KLHL26: variants seen among roughly 807,000 people sequenced by gnomAD.
KLHL26 encodes kelch-like protein 26.
KLHL26 carries 4 observed loss-of-function variants against 7.1 expected under a neutral mutation model. The observed-to-expected ratio is 0.56, with a 90% CI of 0.28 to 1.28. KLHL26 has a LOEUF of 1.28. Among genes scored for constraint, KLHL26 ranks in the 50% most tolerant of loss-of-function variants. The probability of loss-of-function intolerance (pLI) is 0.11; values close to 1 mark genes in which losing one functional copy is unlikely to be tolerated. For missense variants in KLHL26, 896 were observed against 924.6 expected (o/e 0.97, Z 0.40); for synonymous variants, 465 against 414.1 (o/e 1.12, Z -1.49).
intron 1 of KLHL26, among the ~76,000 whole-genome samples, chr19:18,643,529 A>G (rs1321252528): frequency 6.6e-6 from 1 of 151,634 alleles, no homozygotes; most frequent in Non-Finnish European, 1.5e-5. Flanking sequence ...TCCAGGCTAT[A>G]GTGCAATGGC....
intron 1 of KLHL26, among the ~76,000 whole-genome samples, chr19:18,652,260 T>C (rs775275297): frequency 7.5e-4 from 114 of 151,986 alleles, no homozygotes; most frequent in Admixed American, 1.4e-3. Flanking sequence ...CAGGAGGTCT[T>C]GTGGGGAGGA....
Position 18,649,996 on chromosome 19 carries a change from T to C in KLHL26, c.83+12859T>C, listed in dbSNP as rs1368259050. Among the ~76,000 whole-genome samples, 1 of 152,180 alleles carries C rather than the reference T, an allele frequency of 6.6e-6. No individual in the cohort carries two copies. The highest frequency in any genetic ancestry group is 1.5e-5 in the Non-Finnish European group (1 of 68,038). Reference sequence around the variant, plus strand: ...GATCTGGGAGGAAGTAACCAGCACCTTGGGGGAATCACAGACCTTTCCTGC... The same window carrying C: ...GATCTGGGAGGAAGTAACCAGCACCCTGGGGGAATCACAGACCTTTCCTGC... On this transcript the variant is annotated intron_variant, in intron 1 of 2. Transcript: ENST00000300976. The surrounding 1 kb of genome is among the most constrained non-coding windows in gnomAD (Gnocchi z 4.0).
chr19:18,666,691 C>T (rs2052451558), intron 2 of KLHL26, among the ~76,000 whole-genome samples: 1 of 152,206 alleles, frequency 6.6e-6, no homozygotes, highest in Admixed American at 6.5e-5. Context: ...CTGAGCCTGT[C>T]TCTGGAGACA....
In KLHL26 at chr19:18,668,407, G is replaced by A. The variant is rs772002583; in HGVS notation, c.1010G>A (p.Gly337Glu). 2.5e-6 allele frequency: 4 copies of A among 1,607,304 alleles called. No homozygotes were observed. Among genetic ancestry groups the A allele is most frequent in the South Asian group, 2.2e-5 (2 of 90,856 alleles). Residue 337 changes from glycine to glutamate, a missense_variant, in exon 3 of 3, where the codon GGA becomes GAA. Coordinates refer to ENST00000300976, the MANE Select transcript of KLHL26 (RefSeq NM_018316.3). Reference protein sequence around the residue: ...SSKVYQLPEPGARHFRELTEM... With the variant: ...SSKVYQLPEPEARHFRELTEM... ...AAGGTCTACCAGCTGCCTGAGCCGG[G>A]AGCCCGCCACTTCCGCGAGCTCACG...
intron 1 of KLHL26, chr19:18,644,600 AGAGG>A (rs1976768792): frequency 6.6e-6 from 1 of 152,248 alleles, no homozygotes; most frequent in African/African-American, 2.4e-5. Context: ...GACGTGGCTG[AGAGG>A]GAGGAAGGGA....
rs1335077455 is a variant in KLHL26, at chr19:18,670,777, G to T, written c.*1532G>T. 6.6e-6 allele frequency: 1 copy of T among 152,290 alleles called. No homozygotes were observed. Among genetic ancestry groups the T allele is most frequent in the Admixed American group, 6.5e-5 (1 of 15,274 alleles). 9.4% of individuals were successfully genotyped at this position (152,290 alleles called of 1,614,324 possible). A position where few individuals can be genotyped will look rare whatever the true frequency, so the allele number is the denominator to read the frequency against. Reference sequence around the variant, plus strand: ...GCTGGAGTGCAGTGGCGTGATCTCGGCTCACTGCAACCTCTGCCTCCTGGG... The same window carrying T: ...GCTGGAGTGCAGTGGCGTGATCTCGTCTCACTGCAACCTCTGCCTCCTGGG... On this transcript the variant is annotated 3_prime_UTR_variant, in exon 3 of 3. Transcript: ENST00000300976.
At chr19:18,643,272 G>A (rs920809426) in intron 1 of KLHL26, among the ~76,000 whole-genome samples, 1 of 151,014 alleles carries the variant, frequency 6.6e-6, no homozygotes, top group Non-Finnish European at 1.5e-5. Flanking sequence ...TGGTGAAACC[G>A]CTTCTCTACT....
Position 18,649,672 on chromosome 19 carries a change from C to G in KLHL26, c.83+12535C>G, listed in dbSNP as rs1412426399. Among the ~76,000 whole-genome samples, 1 of 152,192 alleles carries G rather than the reference C, an allele frequency of 6.6e-6. No individual in the cohort carries two copies. The highest frequency in any genetic ancestry group is 1.5e-5 in the Non-Finnish European group (1 of 68,036). ...CGCTGGGTTCCCGCTGCCGGCAGCC[C>G]CGCCCTCCTCCTCTGGTAGCCGCTC... On this transcript the variant is annotated intron_variant, in intron 1 of 2. Coordinates refer to ENST00000300976, the MANE Select transcript of KLHL26 (RefSeq NM_018316.3). This position sits in a 1 kb window ranked among gnomAD's most constrained non-coding sequence, Gnocchi z 4.0.
Position 18,668,521 on chromosome 19 carries a change from G to A in KLHL26, c.1124G>A (p.Ser375Asn). 1.9e-6 allele frequency: 3 copies of A among 1,599,232 alleles called. No homozygotes were observed. Among genetic ancestry groups the A allele is most frequent in the Middle Eastern group, 1.7e-4 (1 of 6,042 alleles). ...VAGGQHLQYR[S>N]GEGAVDACYR... is the part of the protein sequence containing the mutation. Reference sequence around the variant, plus strand: ...GGGGGGCAGCACCTGCAGTACCGCAGCGGCGAGGGCGCAGTGGACGCCTGC... The same window carrying A: ...GGGGGGCAGCACCTGCAGTACCGCAACGGCGAGGGCGCAGTGGACGCCTGC... The change falls in exon 3 of 3, where the codon AGC becomes AAC. Residue 375 changes from serine to asparagine, a missense_variant. Ser to Asn is a conservative substitution (Grantham distance 46). Coordinates refer to ENST00000300976, the MANE Select transcript of KLHL26 (RefSeq NM_018316.3).
At chr19:18,662,491 T>G (rs891430969) in intron 1 of KLHL26, among the ~76,000 whole-genome samples, 1 of 152,170 alleles carries the variant, frequency 6.6e-6, no homozygotes, top group Non-Finnish European at 1.5e-5. Context: ...CATCCCTGCA[T>G]GCACGGGCAG....
At chr19:18,662,823 G>C (rs1288679231) in intron 1 of KLHL26, among the ~76,000 whole-genome samples, 2 of 152,118 alleles carry the variant, frequency 1.3e-5, no homozygotes, top group Non-Finnish European at 2.9e-5. Flanking sequence ...GCAGCAGCCT[G>C]GTCAAGTGGG....
rs1450849598 is a variant in KLHL26 at position 18,669,156 on chromosome 19, G to A, written c.1759G>A (p.Glu587Lys). The change falls in exon 3 of 3, where the codon GAG becomes AAG. Residue 587 changes from glutamate (E) to lysine (K), a missense_variant. Physicochemically the swap from Glu to Lys is moderately conservative, Grantham distance 56 (BLOSUM62 1). Coordinates refer to ENST00000300976, the MANE Select transcript of KLHL26 (RefSeq NM_018316.3). ...IVQVYNTDTDEWERDLHFPES... is the reference protein window; with the variant it reads ...IVQVYNTDTDKWERDLHFPES... ...ACAGGTGTACAACACGGACACCGAC[G>A]AGTGGGAGCGGGACCTGCACTTCCC... 2 of 1,612,770 alleles carry A rather than the reference G, an allele frequency of 1.2e-6. No homozygotes were observed. Among genetic ancestry groups the A allele is most frequent in the Non-Finnish European group, 8.5e-7 (1 of 1,179,980 alleles).
At chr19:18,657,721 C>T (rs537397383) in intron 1 of KLHL26, among the ~76,000 whole-genome samples, 34 of 152,284 alleles carry the variant, frequency 2.2e-4, no homozygotes, top group East Asian at 1.9e-4. Context: ...TCCACTCCCA[C>T]GGGAGCCAAG....
chr19:18,640,621 C>T (rs1976697591), intron 1 of KLHL26, among the ~76,000 whole-genome samples: 1 of 145,556 alleles, frequency 6.9e-6, no homozygotes, highest in African/African-American at 2.6e-5. Context: ...TCACTGCAAC[C>T]TCTGTCTCCT....
At position 18,668,364 on chromosome 19, in the gene KLHL26, G is replaced by C. The variant is rs1374987316; in HGVS notation, c.967G>C (p.Asp323His). 3.1e-6 allele frequency: 5 copies of C among 1,607,634 alleles called. No individual in the cohort carries two copies. In the South Asian group the frequency reaches 5.5e-5, roughly 18 times the overall value. ...CGGCGGCACGCCCTACACCGACAGC[G>C]ACCGCTCGGTCAGCAGCAAGGTCTA... ...TFGGTPYTDS[D>H]RSVSSKVYQL... Residue 323 changes from aspartate (D) to histidine (H), a missense_variant, in exon 3 of 3, where the codon GAC (aspartate) becomes CAC (histidine). Physicochemically the swap from Asp to His is moderately conservative, Grantham distance 81 (BLOSUM62 -1). Coordinates refer to ENST00000300976, the MANE Select transcript of KLHL26 (RefSeq NM_018316.3).
chr19:18,651,348 A>G (rs953122636), intron 1 of KLHL26, among the ~76,000 whole-genome samples: 7 of 152,180 alleles, frequency 4.6e-5, no homozygotes, highest in African/African-American at 1.7e-4. Flanking sequence ...TCCCCATCCC[A>G]GGATGAATCC....
chr19:18,664,376 C>G lies in KLHL26; in HGVS notation c.199C>G (p.Leu67Val). ...RAQGQLLDVV[L>V]TINREAFPAH... ...TCAGGGCCAGCTCCTCGATGTTGTG[C>G]TGACTATTAACAGAGAGGCCTTTCC... is the stretch of plus-strand genomic sequence containing the variant. Residue 67 changes from leucine to valine, a missense_variant, in exon 2 of 3, where the codon CTG becomes GTG. Leu to Val is a conservative substitution (Grantham distance 32). Coordinates refer to ENST00000300976, the MANE Select transcript of KLHL26 (RefSeq NM_018316.3). The G allele has an allele frequency of 6.2e-7, 1 of 1,609,724 alleles. No homozygotes were observed. Among genetic ancestry groups the G allele is most frequent in the Non-Finnish European group, 8.5e-7 (1 of 1,179,742 alleles).
At chr19:18,652,356 G>A (rs879424520) in intron 1 of KLHL26, among the ~76,000 whole-genome samples, 14 of 152,096 alleles carry the variant, frequency 9.2e-5, no homozygotes, top group African/African-American at 1.9e-4. Context: ...TTGGGAGGCC[G>A]AGGCGGGCAG....
chr19:18,652,318 G>A (rs924534582), intron 1 of KLHL26, among the ~76,000 whole-genome samples: 4 of 151,580 alleles, frequency 2.6e-5, no homozygotes, highest in East Asian at 1.9e-4. Flanking sequence ...GGCCAGGTGC[G>A]GTGGCTCCCG....
Sources: gnomAD v4.1 joint callset for allele counts (sites outside exome capture counted in the v4.1 genomes callset) on GRCh38, gnomAD v4.1.1 for gene constraint, Gnocchi (gnomAD v3.1) non-coding constraint, MANE v1.5 for transcripts, NCBI Gene and HGNC (gene_info 2026-07-23, HGNC 2026-07-21) for gene names.